Variants in AMPH observed in about 807,000 individuals in gnomAD.
AMPH encodes amphiphysin (Stiff-Mann syndrome with breast cancer 128kD autoantigen).
AMPH carries 49 observed loss-of-function variants against 99.1 expected under a neutral mutation model. The ratio of observed to expected loss-of-function variants is 0.49; its 90% CI spans 0.39 to 0.63. The LOEUF is 0.63. Among genes scored for constraint, AMPH ranks in the 20% least tolerant of loss-of-function variants. The pLI is 0.00. For missense variants in AMPH, 759 were observed against 863.4 expected, an observed-to-expected ratio of 0.88 and a Z score of 1.52; for synonymous variants, 314 against 317.3, an observed-to-expected ratio of 0.99 and a Z score of 0.11.
chr7:38,620,336 A>ATGTGTGTG (rs3056281), intron 1 of AMPH, among the ~76,000 whole-genome samples: 1,984 of 145,710 alleles, frequency 0.014, 27 homozygotes, highest in African/African-American at 0.024. Flanking sequence ...AGATATATAT[A>ATGTGTGTG]TGTGTGTGTG....
chr7:38,628,131 C>G (rs1584322987), intron 1 of AMPH, among the ~76,000 whole-genome samples: 1 of 141,252 alleles, frequency 7.1e-6, no homozygotes, highest in African/African-American at 2.5e-5. Flanking sequence ...AGAATTGCTA[C>G]AGAAAACGGG....
intron 11 of AMPH, among the ~76,000 whole-genome samples, chr7:38,436,944 A>G (rs1242077154): frequency 6.6e-6 from 1 of 152,164 alleles, no homozygotes; most frequent in African/African-American, 2.4e-5. Flanking sequence ...CATCCATAGC[A>G]TTGTTAGTTT....
rs748882522 is a variant in AMPH at position 38,503,663 on chromosome 7, T to C, written c.192A>G (p.Leu64=). Residue 64 remains leucine, a synonymous_variant, in exon 3 of 21, where the codon TTA becomes TTG. Transcript: ENST00000356264. The stretch of plus-strand genomic sequence containing the variant: ...CATACACATTACCTTTGATTGCTGC[T>C]AAATATCCTCGGAGTTCTCGCTGAA... ...TRLQRELRGY[L]AAIKGMQEAS... is the part of the protein sequence containing the mutation. 1.2e-6 allele frequency: 2 copies of C among 1,614,034 alleles called. No individual in the cohort carries two copies. The highest frequency in any genetic ancestry group is 2.2e-5 in the South Asian group (2 of 91,076).
At chr7:38,573,625 T>A (rs978716574) in intron 1 of AMPH, among the ~76,000 whole-genome samples, 1 of 152,266 alleles carries the variant, frequency 6.6e-6, no homozygotes, top group Non-Finnish European at 1.5e-5. Context: ...CTAATGTTCA[T>A]GTAGTCAAAT....
At chr7:38,419,436 C>T (rs1402648359) in intron 16 of AMPH, among the ~76,000 whole-genome samples, 1 of 152,056 alleles carries the variant, frequency 6.6e-6, no homozygotes, top group Non-Finnish European at 1.5e-5. Context: ...AGTGTGCAGA[C>T]ATTTGATTTT....
chr7:38,566,163 T>C (rs887602808), intron 1 of AMPH, among the ~76,000 whole-genome samples: 1 of 152,210 alleles, frequency 6.6e-6, no homozygotes, highest in Non-Finnish European at 1.5e-5. Context: ...GAGGTAAAAC[T>C]TCTTAACTGC....
intron 1 of AMPH, among the ~76,000 whole-genome samples, chr7:38,569,651 G>T (rs908376899): frequency 6.6e-6 from 1 of 152,008 alleles, no homozygotes; most frequent in African/African-American, 2.4e-5. Flanking sequence ...AAATTTTCAA[G>T]GAAGTTAGAA....
intron 2 of AMPH, among the ~76,000 whole-genome samples, chr7:38,514,075 T>C (rs967658378): frequency 6.6e-6 from 1 of 152,236 alleles, no homozygotes; most frequent in African/African-American, 2.4e-5. Context: ...TACTTGGTTT[T>C]CTTTCTATAG....
intron 2 of AMPH, among the ~76,000 whole-genome samples, chr7:38,508,571 CA>C (rs1307739163): frequency 6.6e-6 from 1 of 152,130 alleles, no homozygotes; most frequent in Non-Finnish European, 1.5e-5. Flanking sequence ...GGTGGAAAGC[CA>C]GCAGTACTAA....
rs76850185 is a variant in AMPH at position 38,575,316 on chromosome 7, T to C, written c.70-40305A>G. Among the ~76,000 whole-genome samples, 149 of 152,152 alleles carry C rather than the reference T, an allele frequency of 9.8e-4. 1 individual carries two copies. In the East Asian group the frequency reaches 0.028, roughly 28 times the overall value. On this transcript the variant is annotated intron_variant, in intron 1 of 20. Coordinates refer to ENST00000356264, the MANE Select transcript of AMPH (RefSeq NM_001635.4). ...TATAATTAAATATTAATTTTCAAAA[T>C]GTTTATGAATGTAGAAAATGGAGAA...
At chr7:38,552,334 G>T (rs1318908059) in intron 1 of AMPH, among the ~76,000 whole-genome samples, 1 of 152,204 alleles carries the variant, frequency 6.6e-6, no homozygotes, top group East Asian at 1.9e-4. Flanking sequence ...TCTGATGCAG[G>T]AGGTCTGCAC....
chr7:38,550,340 T>C (rs958792887), intron 1 of AMPH, among the ~76,000 whole-genome samples: 11 of 152,318 alleles, frequency 7.2e-5, no homozygotes, highest in African/African-American at 2.6e-4. Flanking sequence ...CACTAAAGTT[T>C]GGAAAGCCTG....
chr7:38,598,273 T>A (rs1200127738), intron 1 of AMPH, among the ~76,000 whole-genome samples: 1 of 151,082 alleles, frequency 6.6e-6, no homozygotes, highest in Admixed American at 6.6e-5. Context: ...GTTGTTCTTT[T>A]GTTGTTGTTG....
At chr7:38,624,947 A>AG (rs1315838181) in intron 1 of AMPH, among the ~76,000 whole-genome samples, 2 of 152,172 alleles carry the variant, frequency 1.3e-5, no homozygotes, top group African/African-American at 4.8e-5. Flanking sequence ...GGAAACTATA[A>AG]GAAAAAAAAA....
intron 2 of AMPH, among the ~76,000 whole-genome samples, chr7:38,528,716 A>C (rs1043342351): frequency 6.6e-6 from 1 of 151,026 alleles, no homozygotes; most frequent in East Asian, 2.0e-4. Context: ...TTCCATTTTC[A>C]GTTTCATTGA....
intron 1 of AMPH, among the ~76,000 whole-genome samples, chr7:38,595,485 G>T (rs1178948584): frequency 2.6e-5 from 4 of 152,218 alleles, no homozygotes; most frequent in African/African-American, 9.7e-5. Flanking sequence ...CAGAGTAGAG[G>T]TTGTGGAGAA....
chr7:38,580,555 G>T (rs1792408225), intron 1 of AMPH, among the ~76,000 whole-genome samples: 1 of 152,056 alleles, frequency 6.6e-6, no homozygotes, highest in Admixed American at 6.5e-5. Context: ...ATGATGCTCT[G>T]TACGAATGGA....
chr7:38,445,072 T>C (rs764899644), intron 11 of AMPH, among the ~76,000 whole-genome samples: 20 of 136,672 alleles, frequency 1.5e-4, no homozygotes, highest in Non-Finnish European at 2.0e-4. Flanking sequence ...CATATATATA[T>C]ACACATATAT....
intron 17 of AMPH, among the ~76,000 whole-genome samples, chr7:38,398,796 C>T (rs1297349939): frequency 1.3e-5 from 2 of 152,144 alleles, no homozygotes; most frequent in African/African-American, 2.4e-5. Context: ...AAATATCTCA[C>T]GTACCTCATA....
Sources: allele counts gnomAD v4.1 joint callset (sites outside exome capture counted in the v4.1 genomes callset), GRCh38; gene constraint gnomAD v4.1.1; transcripts MANE v1.5; gene names NCBI Gene and HGNC (gene_info 2026-07-23, HGNC 2026-07-21).